Variants in KCNIP4 observed in about 807,000 individuals in gnomAD.
KCNIP4 encodes the protein Kv channel-interacting protein 4.
Under a neutral mutation model 34.0 loss-of-function variants are expected in KCNIP4, and 12 were observed. The observed-to-expected ratio is 0.35, with a 90% CI of 0.23 to 0.57. The LOEUF (loss-of-function observed/expected upper bound fraction) is 0.57. KCNIP4 is among the 20% of genes least tolerant of loss of function. The pLI is 0.83. For synonymous variants in KCNIP4, 124 were observed against 102.2 expected (o/e 1.21, Z -1.29); for missense variants, 238 against 311.7 (o/e 0.76, Z 1.78).
chr4:21,068,886 G>T (rs1366643800), intron 1 of KCNIP4, among the ~76,000 whole-genome samples: 7 of 152,178 alleles, frequency 4.6e-5, no homozygotes, highest in African/African-American at 1.7e-4. Flanking sequence ...ATGCATGCAT[G>T]CATGACCACA....
intron 1 of KCNIP4, chr4:21,316,210 A>C (rs903709292): frequency 6.6e-6 from 1 of 152,216 alleles, no homozygotes; most frequent in African/African-American, 2.4e-5. Context: ...GCAGGTTGAC[A>C]TACTATGTCC....
At chr4:20,957,186 G>T (rs1489386588) in intron 1 of KCNIP4, among the ~76,000 whole-genome samples, 1 of 152,110 alleles carries the variant, frequency 6.6e-6, no homozygotes, top group Non-Finnish European at 1.5e-5. Context: ...CGGGTACCTC[G>T]GTTTTCTTTC....
chr4:21,005,371 C>A (rs1356724193), intron 1 of KCNIP4, among the ~76,000 whole-genome samples: 2 of 152,268 alleles, frequency 1.3e-5, no homozygotes, highest in Non-Finnish European at 2.9e-5. Flanking sequence ...GTGTGGGTAT[C>A]ATGCAGATAA....
intron 3 of KCNIP4, among the ~76,000 whole-genome samples, chr4:20,761,546 A>G (rs1408270511): frequency 2.6e-5 from 4 of 152,146 alleles, no homozygotes; most frequent in Non-Finnish European, 5.9e-5. Context: ...TAGTAAGGAG[A>G]GAGTAAATAC....
intron 1 of KCNIP4, among the ~76,000 whole-genome samples, chr4:21,924,745 A>G (rs1729137926): frequency 6.6e-6 from 1 of 152,116 alleles, no homozygotes; most frequent in Non-Finnish European, 1.5e-5. Context: ...CTCAACACTC[A>G]CAGTGGAAAG....
chr4:21,911,658 A>AG (rs1213125733), intron 1 of KCNIP4, among the ~76,000 whole-genome samples: 4 of 139,734 alleles, frequency 2.9e-5, no homozygotes, highest in Non-Finnish European at 4.7e-5. Flanking sequence ...ACACACACAG[A>AG]GTCTGGTATT....
intron 1 of KCNIP4, among the ~76,000 whole-genome samples, chr4:21,177,218 A>G (rs1754478407): frequency 6.6e-6 from 1 of 152,166 alleles, no homozygotes; most frequent in Admixed American, 6.5e-5. Flanking sequence ...TGGAGAATAC[A>G]ATCTAGTAAA....
At chr4:21,151,040 A>T (rs1390968824) in intron 1 of KCNIP4, among the ~76,000 whole-genome samples, 1 of 152,194 alleles carries the variant, frequency 6.6e-6, no homozygotes, top group South Asian at 2.1e-4. Context: ...GCCTTTCTAT[A>T]ATATTAGAAG....
At chr4:21,682,898 A>T (rs990601846) in intron 1 of KCNIP4, among the ~76,000 whole-genome samples, 9 of 152,204 alleles carry the variant, frequency 5.9e-5, no homozygotes, top group African/African-American at 2.2e-4. Context: ...AACCTCAAAG[A>T]TCATCATAAA....
intron 1 of KCNIP4, among the ~76,000 whole-genome samples, chr4:21,874,210 T>C (rs1725971486): frequency 6.6e-6 from 1 of 152,262 alleles, no homozygotes; most frequent in Admixed American, 6.5e-5. Flanking sequence ...GCAGGAATTA[T>C]TTATAGAACC....
At chr4:21,174,981 T>C (rs978771463) in intron 1 of KCNIP4, among the ~76,000 whole-genome samples, 1 of 151,720 alleles carries the variant, frequency 6.6e-6, no homozygotes, top group African/African-American at 2.4e-5. Context: ...AAATATGATT[T>C]TGTTACTTTT....
intron 1 of KCNIP4, among the ~76,000 whole-genome samples, chr4:21,670,032 C>A (rs1406109420): frequency 2.0e-5 from 3 of 152,036 alleles, no homozygotes; most frequent in Non-Finnish European, 4.4e-5. Flanking sequence ...CTTCCATAAG[C>A]ATATTTATCT....
chr4:21,770,086 A>T (rs1718677398), intron 1 of KCNIP4, among the ~76,000 whole-genome samples: 1 of 151,936 alleles, frequency 6.6e-6, no homozygotes, highest in Admixed American at 6.6e-5. Flanking sequence ...GGTTTGCTGC[A>T]CCTATTGACT....
intron 1 of KCNIP4, among the ~76,000 whole-genome samples, chr4:21,301,435 C>T (rs1023613609): frequency 3.3e-5 from 5 of 152,194 alleles, no homozygotes; most frequent in African/African-American, 1.2e-4. Flanking sequence ...AAAAAGTTCA[C>T]AATCATCCTC....
rs1560431246 is a variant in KCNIP4 at position 20,748,599 on chromosome 4, TA to T, written c.429+1062del. On this transcript the variant is annotated intron_variant, in intron 5 of 8. Coordinates refer to ENST00000382152, the MANE Select transcript of KCNIP4 (RefSeq NM_025221.6). ...ATATATATATATATATATATATATATATATATTCCATAAGTAAATATAAATG... is the reference window on the plus strand; with the variant it reads ...ATATATATATATATATATATATATATTATATTCCATAAGTAAATATAAATG... Among the ~76,000 whole-genome samples the T allele has an allele frequency of 8.8e-3, 909 of 102,774 alleles. 9 individuals are homozygous for T. The highest frequency in any genetic ancestry group is 0.044 in the East Asian group (151 of 3,400). The allele number at this position is 102,774 out of a possible 152,430, so 67.4% of individuals were successfully genotyped here. A position where few individuals can be genotyped will look rare whatever the true frequency, so the allele number is the denominator to read the frequency against.
intron 1 of KCNIP4, among the ~76,000 whole-genome samples, chr4:21,607,623 T>G (rs771652089): frequency 6.6e-6 from 1 of 151,860 alleles, no homozygotes; most frequent in Non-Finnish European, 1.5e-5. Flanking sequence ...CCGGGAATCC[T>G]TGCATGGGGA....
At chr4:20,781,531 G>A (rs560620686) in intron 3 of KCNIP4, among the ~76,000 whole-genome samples, 11 of 152,276 alleles carry the variant, frequency 7.2e-5, no homozygotes, top group African/African-American at 2.6e-4. Context: ...ATGGCAGGAG[G>A]CAGAAGGCAC....
chr4:21,487,766 C>T (rs1732044476), intron 1 of KCNIP4, among the ~76,000 whole-genome samples: 1 of 152,126 alleles, frequency 6.6e-6, no homozygotes, highest in Non-Finnish European at 1.5e-5. Context: ...TACCACATAG[C>T]TTATTTTATT....
At chr4:21,000,694 A>AG (rs903823464) in intron 1 of KCNIP4, among the ~76,000 whole-genome samples, 1 of 150,524 alleles carries the variant, frequency 6.6e-6, no homozygotes, top group African/African-American at 2.4e-5. Flanking sequence ...TCAAAGAAGA[A>AG]AAAAAAAAAG....
Sources: gnomAD v4.1 joint callset for allele counts (sites outside exome capture counted in the v4.1 genomes callset) on GRCh38, gnomAD v4.1.1 for gene constraint, MANE v1.5 for transcripts, NCBI Gene and HGNC (gene_info 2026-07-23, HGNC 2026-07-21) for gene names.